Variants in ASH1L observed in about 807,000 individuals in gnomAD.
ASH1L encodes the protein ASH1 like histone lysine methyltransferase.
Under a neutral mutation model 269.0 loss-of-function variants are expected in ASH1L, and 23 were observed. That is an observed-to-expected ratio of 0.09 (90% confidence interval 0.06 to 0.12). The LOEUF is 0.12. Among genes scored for constraint, ASH1L ranks in the 10% least tolerant of loss-of-function variants. The pLI, the probability that ASH1L is intolerant of heterozygous loss-of-function variation, is 1.00. For missense variants in ASH1L, 2,912 were observed against 3,567.8 expected, an observed-to-expected ratio of 0.82 and a Z score of 4.68; for synonymous variants, 1,187 against 1,253.5, an observed-to-expected ratio of 0.95 and a Z score of 1.12.
chr1:155,556,404 G>C (rs969219410), intron 1 of ASH1L, among the ~76,000 whole-genome samples: 133 of 13,600 alleles, frequency 9.8e-3, no homozygotes, highest in Middle Eastern at 0.1. Context: ...ATATATACGT[G>C]TGTGTGTGTG....
In ASH1L at chr1:155,433,781, C is replaced by T. The variant is rs181343707; in HGVS notation, c.5828+4546G>A. The T allele has an allele frequency of 1.0e-4, 167 of 1,605,192 alleles. 1 individual carries two copies. In the African/African-American group the frequency reaches 2.1e-3, roughly 20 times the overall value. On this transcript the variant is annotated intron_variant, in intron 5 of 27. Coordinates refer to ENST00000392403, the MANE Select transcript of ASH1L (RefSeq NM_018489.3). ...TAGCTTCAAGAACATGTGTAAGCTG[C>T]GGCCCTTGCTGCAGAAGTGGGTGGA...
In ASH1L at chr1:155,521,360, G is replaced by T. The variant is rs1668875104; in HGVS notation, c.160C>A (p.Arg54=). The T allele has an allele frequency of 6.2e-7, 1 of 1,613,980 alleles. No homozygotes were observed. The highest frequency in any genetic ancestry group is 8.5e-7 in the Non-Finnish European group (1 of 1,180,010). Residue 54 remains arginine, a synonymous_variant, in exon 2 of 28, where the codon CGA becomes AGA. Coordinates refer to ENST00000392403, the MANE Select transcript of ASH1L (RefSeq NM_018489.3). ...KEEEDLRKRN[R]ERNIEAGKDD... is the part of the protein sequence containing the mutation. ...TTCCCAGCTTCGATGTTTCTTTCTCGATTCCGTTTGCGAAGGTCCTCTTCC... is the reference window on the plus strand; with the variant it reads ...TTCCCAGCTTCGATGTTTCTTTCTCTATTCCGTTTGCGAAGGTCCTCTTCC...
intron 1 of ASH1L, among the ~76,000 whole-genome samples, chr1:155,540,380 C>T (rs987777169): frequency 2.0e-5 from 3 of 152,304 alleles, no homozygotes; most frequent in Middle Eastern, 3.4e-3. Flanking sequence ...TCACTGTTTA[C>T]TTTTTGTTGT....
intron 5 of ASH1L, among the ~76,000 whole-genome samples, chr1:155,418,057 A>G (rs556370061): frequency 1.7e-4 from 26 of 152,334 alleles, no homozygotes; most frequent in African/African-American, 6.0e-4. Flanking sequence ...ATAAAATTGA[A>G]TATTTGTAAA....
chr1:155,514,882 C>T (rs1026134861), intron 2 of ASH1L, among the ~76,000 whole-genome samples: 2 of 151,938 alleles, frequency 1.3e-5, no homozygotes, highest in South Asian at 2.1e-4. Flanking sequence ...TACAGTCATT[C>T]GGCATTTTAC....
At chr1:155,536,655 C>T (rs1043502648) in intron 1 of ASH1L, among the ~76,000 whole-genome samples, 6 of 152,118 alleles carry the variant, frequency 3.9e-5, no homozygotes, top group African/African-American at 1.4e-4. Flanking sequence ...ACTGCTCAAG[C>T]CCAGAAGTTC....
chr1:155,392,311 T>C (rs1455374759), intron 7 of ASH1L, among the ~76,000 whole-genome samples: 1 of 152,170 alleles, frequency 6.6e-6, no homozygotes, highest in Non-Finnish European at 1.5e-5. Flanking sequence ...AGTGCTTACT[T>C]GTACTGCTAA....
intron 5 of ASH1L, among the ~76,000 whole-genome samples, chr1:155,423,602 C>A (rs185337374): frequency 2.2e-4 from 33 of 152,148 alleles, no homozygotes; most frequent in South Asian, 6.2e-4. Context: ...AACAAAAAAA[C>A]CCCTGCATTT....
intron 1 of ASH1L, among the ~76,000 whole-genome samples, chr1:155,549,856 C>A (rs568534414): frequency 1.1e-4 from 17 of 152,014 alleles, no homozygotes; most frequent in Non-Finnish European, 1.9e-4. Flanking sequence ...AAAAAAGCAT[C>A]CAACTGCTCA....
chr1:155,398,119 A>C (rs748322337), intron 6 of ASH1L, among the ~76,000 whole-genome samples: 4 of 152,230 alleles, frequency 2.6e-5, no homozygotes, highest in Non-Finnish European at 4.4e-5. Context: ...TGAGTCTATT[A>C]ATATACATCT....
At chr1:155,497,616 G>C (rs1667235514) in intron 2 of ASH1L, among the ~76,000 whole-genome samples, 1 of 152,192 alleles carries the variant, frequency 6.6e-6, no homozygotes, top group Non-Finnish European at 1.5e-5. Flanking sequence ...ACTATTAGCA[G>C]TTACGTTCTG....
chr1:155,447,449 C>CG (rs1450450514), intron 4 of ASH1L, among the ~76,000 whole-genome samples: 38 of 152,164 alleles, frequency 2.5e-4, no homozygotes, highest in Non-Finnish European at 2.9e-5. Context: ...AGGCTGGTCT[C>CG]GAACTCCTGA....
At chr1:155,401,829 C>T (rs1002905325) in intron 6 of ASH1L, among the ~76,000 whole-genome samples, 2 of 151,370 alleles carry the variant, frequency 1.3e-5, no homozygotes, top group African/African-American at 4.9e-5. Context: ...TGGCTCATGC[C>T]TGTAATCCCA....
At position 155,337,755 on chromosome 1, in the gene ASH1L, A is replaced by G; in HGVS notation, c.8804-4T>C. 6.2e-7 allele frequency: 1 copy of G among 1,613,328 alleles called. No homozygotes were observed. The highest frequency in any genetic ancestry group is 8.5e-7 in the Non-Finnish European group (1 of 1,179,262). ...AGCAAGTAGGTCACATCAATGGCTG[A>G]AAACAGAACCAAGGAGGCTCATCAA... On this transcript the variant is annotated splice_region_variant and splice_polypyrimidine_tract_variant and intron_variant, in intron 27 of 27. Coordinates refer to ENST00000392403, the MANE Select transcript of ASH1L (RefSeq NM_018489.3).
rs371957811 is a variant in ASH1L at position 155,372,973 on chromosome 1, G to A, written c.6333-1990C>T. 3.9e-5 allele frequency among the ~76,000 whole-genome samples: 6 copies of A among 152,002 alleles called. No individual in the cohort carries two copies. In the East Asian group the frequency reaches 7.7e-4, roughly 20 times the overall value. On this transcript the variant is annotated intron_variant, in intron 10 of 27. Coordinates refer to ENST00000392403, the MANE Select transcript of ASH1L (RefSeq NM_018489.3). ...CATGCCTGTAATCCCAGCACTTTAGGGGGCAGAGGCAGGAGGATCATGTGA... is the reference window on the plus strand; with the variant it reads ...CATGCCTGTAATCCCAGCACTTTAGAGGGCAGAGGCAGGAGGATCATGTGA...
chr1:155,342,664 T>C (rs941671081), intron 24 of ASH1L, among the ~76,000 whole-genome samples: 1 of 152,214 alleles, frequency 6.6e-6, no homozygotes, highest in Non-Finnish European at 1.5e-5. Flanking sequence ...CTGAGTGCTT[T>C]TGTAGATTAT....
intron 1 of ASH1L, among the ~76,000 whole-genome samples, chr1:155,525,859 A>T (rs1460649467): frequency 6.6e-6 from 1 of 152,128 alleles, no homozygotes; most frequent in Non-Finnish European, 1.5e-5. Context: ...CAAGTCACTT[A>T]TATAAAATGG....
intron 1 of ASH1L, among the ~76,000 whole-genome samples, chr1:155,548,871 T>C (rs1671005548): frequency 6.6e-6 from 1 of 152,188 alleles, no homozygotes; most frequent in African/African-American, 2.4e-5. Flanking sequence ...CTATTCAATA[T>C]TTCAACTTTA....
intron 2 of ASH1L, among the ~76,000 whole-genome samples, chr1:155,486,863 A>G (rs977197428): frequency 5.3e-5 from 8 of 151,920 alleles, no homozygotes; most frequent in East Asian, 1.9e-4. Flanking sequence ...TTTAAAAAAA[A>G]AAAAAGAAAA....
Sources: allele counts gnomAD v4.1 joint callset (sites outside exome capture counted in the v4.1 genomes callset), GRCh38; gene constraint gnomAD v4.1.1; transcripts MANE v1.5; gene names NCBI Gene and HGNC (gene_info 2026-07-23, HGNC 2026-07-21).